Variants in CEP128 observed in about 807,000 individuals in gnomAD.
The protein encoded by CEP128 is centrosomal protein 128, also known as centrosomal protein 128kDa.
A neutral mutation model predicts 156.7 loss-of-function variants in CEP128; 132 were observed. The ratio of observed to expected loss-of-function variants is 0.84; its 90% confidence interval spans 0.73 to 0.97. The LOEUF (loss-of-function observed/expected upper bound fraction) is 0.97. CEP128 is among the 50% of genes least tolerant of loss of function. The pLI is 0.00. For synonymous variants in CEP128, 469 were observed against 448.9 expected (o/e 1.04, Z -0.57); for missense variants, 1,252 against 1,281.9 (o/e 0.98, Z 0.36).
intron 20 of CEP128, among the ~76,000 whole-genome samples, chr14:80,565,144 C>T (rs543243335): frequency 1.3e-5 from 2 of 152,092 alleles, no homozygotes; most frequent in Non-Finnish European, 2.9e-5. Context: ...CCAAATTGCT[C>T]CTGGTGATAA....
At chr14:80,891,486 A>T (rs140284408) in intron 8 of CEP128, among the ~76,000 whole-genome samples, 37 of 151,992 alleles carry the variant, frequency 2.4e-4, no homozygotes, top group African/African-American at 7.5e-4. Context: ...GGAGCTAAAA[A>T]TTAAGACAGT....
At chr14:80,926,777 T>A (rs1885175593) in intron 2 of CEP128, among the ~76,000 whole-genome samples, 1 of 152,288 alleles carries the variant, frequency 6.6e-6, no homozygotes, top group East Asian at 1.9e-4. Flanking sequence ...CACATCACAG[T>A]GCTCAGGAAG....
chr14:80,594,975 T>C (rs1892249417), intron 19 of CEP128, among the ~76,000 whole-genome samples: 1 of 152,226 alleles, frequency 6.6e-6, no homozygotes, highest in Non-Finnish European at 1.5e-5. Context: ...CATTACTGGG[T>C]ATAAACTCAA....
intron 19 of CEP128, among the ~76,000 whole-genome samples, chr14:80,653,011 A>G (rs1255981786): frequency 6.6e-6 from 1 of 152,212 alleles, no homozygotes; most frequent in East Asian, 1.9e-4. Flanking sequence ...ATGCAGCCAT[A>G]AAAAAGAGGA....
At chr14:80,495,534 T>A (rs556266837), downstream of CEP128, among the ~76,000 whole-genome samples, 1 of 151,728 alleles carries the variant, frequency 6.6e-6, no homozygotes, top group South Asian at 2.1e-4. Flanking sequence ...TGGCTTTTTT[T>A]TTTAGATTTA....
chr14:80,904,737 T>A, intron 6 of CEP128, 76 bp downstream of exon 6: 1 of 859,010 alleles, frequency 1.2e-6, no homozygotes, highest in Non-Finnish European at 2.0e-6. Context: ...AGCCTTAAAG[T>A]TCAAGCATTA....
intron 19 of CEP128, among the ~76,000 whole-genome samples, chr14:80,661,979 T>C (rs192675791): frequency 4.6e-4 from 70 of 152,306 alleles, no homozygotes; most frequent in Non-Finnish European, 9.1e-4. Flanking sequence ...CTATTAAATC[T>C]TCCATCAGCA....
intron 19 of CEP128, among the ~76,000 whole-genome samples, chr14:80,728,911 C>T (rs1184447079): frequency 6.6e-6 from 1 of 152,102 alleles, no homozygotes; most frequent in Admixed American, 6.6e-5. Flanking sequence ...TTGTCACTTC[C>T]ATGCTGCCAA....
intron 12 of CEP128, among the ~76,000 whole-genome samples, chr14:80,834,333 A>G (rs1566659505): frequency 1.3e-5 from 2 of 152,308 alleles, no homozygotes; most frequent in South Asian, 2.1e-4. Context: ...GGTAACACTA[A>G]AATAAGTAAT....
At chr14:80,903,907 C>T (rs556746796) in intron 6 of CEP128, among the ~76,000 whole-genome samples, 6 of 152,008 alleles carry the variant, frequency 3.9e-5, no homozygotes, top group African/African-American at 9.7e-5. Context: ...TAAACTAGTA[C>T]AGCCATTATG....
At chr14:80,593,868 A>T (rs1203534079) in intron 19 of CEP128, among the ~76,000 whole-genome samples, 1 of 152,218 alleles carries the variant, frequency 6.6e-6, no homozygotes, top group Non-Finnish European at 1.5e-5. Context: ...GAATAGGAAG[A>T]ATTAATATTG....
chr14:80,934,537 C>A (rs1390495646), intron 2 of CEP128, among the ~76,000 whole-genome samples: 1 of 152,134 alleles, frequency 6.6e-6, no homozygotes, highest in Non-Finnish European at 1.5e-5. Context: ...TAACCTCAGG[C>A]CAATCTTACA....
At chr14:80,731,626 C>A (rs1182846456) in intron 19 of CEP128, among the ~76,000 whole-genome samples, 2 of 151,986 alleles carry the variant, frequency 1.3e-5, no homozygotes, top group African/African-American at 4.8e-5. Flanking sequence ...GGAAAAAAAG[C>A]AAATCTATAA....
chr14:80,571,598 G>C (rs937766274), intron 20 of CEP128, among the ~76,000 whole-genome samples: 1 of 152,084 alleles, frequency 6.6e-6, no homozygotes, highest in South Asian at 2.1e-4. Context: ...AAGTATAAGA[G>C]GAGATGCTTA....
At chr14:80,916,338 CT>C in intron 3 of CEP128, 62 bp downstream of exon 3, 2 of 1,343,734 alleles carry the variant, frequency 1.5e-6, no homozygotes, top group Non-Finnish European at 2.1e-6. Context: ...AATCCACTGA[CT>C]GAAACTATTA....
intron 20 of CEP128, among the ~76,000 whole-genome samples, chr14:80,570,848 T>C (rs1891111692): frequency 6.6e-6 from 1 of 152,144 alleles, no homozygotes; most frequent in Admixed American, 6.6e-5. Context: ...CAAAACAGAC[T>C]TCCAGAACCT....
chr14:80,687,037 T>C (rs1211338142), intron 19 of CEP128, among the ~76,000 whole-genome samples: 1 of 152,080 alleles, frequency 6.6e-6, no homozygotes, highest in African/African-American at 2.4e-5. Flanking sequence ...ATCATCAAGA[T>C]AGAATTAACA....
intron 13 of CEP128, 27 bp from the exon 14 acceptor site, chr14:80,793,137 G>A: frequency 6.4e-7 from 1 of 1,566,916 alleles, no homozygotes; most frequent in Non-Finnish European, 8.7e-7. Context: ...CAAAACATTA[G>A]GAACAAATCC....
chr14:80,880,352 G>C (rs1888472999), intron 8 of CEP128, among the ~76,000 whole-genome samples: 1 of 152,022 alleles, frequency 6.6e-6, no homozygotes, highest in African/African-American at 2.4e-5. Flanking sequence ...AGCCATTTAT[G>C]AAAAGCCCAT....
Sources: allele counts gnomAD v4.1 joint callset (sites outside exome capture counted in the v4.1 genomes callset), GRCh38; gene constraint gnomAD v4.1.1; transcripts MANE v1.5; gene names NCBI Gene and HGNC (gene_info 2026-07-23, HGNC 2026-07-21).